Variants in PACSIN1 observed in about 807,000 individuals in gnomAD.
PACSIN1 encodes protein kinase C and casein kinase substrate in neurons 1, also known as protein kinase C and casein kinase substrate in neurons protein 1.
Under a neutral mutation model 59.5 loss-of-function variants are expected in PACSIN1, and 15 were observed. The ratio of observed to expected loss-of-function variants is 0.25; its 90% CI spans 0.17 to 0.39. The LOEUF is 0.39. Ranked by LOEUF, PACSIN1 falls within the 10% of genes least tolerant of loss-of-function variation. The pLI is 1.00. For synonymous variants in PACSIN1, 210 were observed against 220.6 expected, an observed-to-expected ratio of 0.95 and a Z score of 0.42; for missense variants, 420 against 580.2, an observed-to-expected ratio of 0.72 and a Z score of 2.84.
intron 2 of PACSIN1, among the ~76,000 whole-genome samples, chr6:34,527,048 A>C (rs530238617): frequency 6.6e-6 from 1 of 152,310 alleles, no homozygotes; most frequent in East Asian, 1.9e-4. Context: ...AAATTCTAAA[A>C]ATCCTTCTGC....
chr6:34,510,775 C>T (rs375999689), intron 1 of PACSIN1, among the ~76,000 whole-genome samples: 6 of 152,286 alleles, frequency 3.9e-5, no homozygotes, highest in Non-Finnish European at 7.3e-5. Flanking sequence ...TGCAGTGATG[C>T]GATCACGGCT....
intron 1 of PACSIN1, among the ~76,000 whole-genome samples, chr6:34,473,589 G>T (rs554228048): frequency 2.0e-5 from 3 of 152,270 alleles, no homozygotes; most frequent in African/African-American, 2.4e-5. Context: ...AGGGGCAGCC[G>T]AGGCAGGGCT....
intron 1 of PACSIN1, among the ~76,000 whole-genome samples, chr6:34,511,551 T>C (rs941851271): frequency 6.6e-6 from 1 of 152,182 alleles, no homozygotes; most frequent in Non-Finnish European, 1.5e-5. Context: ...TTGTTGCTCC[T>C]CCTCCGGGTG....
At chr6:34,527,943 T>C (rs1460609289) in intron 3 of PACSIN1, among the ~76,000 whole-genome samples, 2 of 152,244 alleles carry the variant, frequency 1.3e-5, no homozygotes, top group Non-Finnish European at 2.9e-5. Context: ...CTATCAAATT[T>C]GGGACATGTA....
intron 1 of PACSIN1, among the ~76,000 whole-genome samples, chr6:34,487,895 T>C (rs1766818942): frequency 6.6e-6 from 1 of 152,194 alleles, no homozygotes; most frequent in Non-Finnish European, 1.5e-5. Context: ...CACTGCAGCC[T>C]GCCCCTCATG....
chr6:34,531,153 CT>C lies in PACSIN1; in HGVS notation c.1038-444del, dbSNP rs1192407932. On this transcript the variant is annotated intron_variant, in intron 8 of 9. Transcript: ENST00000244458. This position sits in a 1 kb window ranked among gnomAD's most constrained non-coding sequence, Gnocchi z 4.4. ...ACTGTGTGTGGCACGGTTCTATGCACTTTCCATATGTTAACTCATTCATGCT... is the reference window on the plus strand; with the variant it reads ...ACTGTGTGTGGCACGGTTCTATGCACTTCCATATGTTAACTCATTCATGCT... Among the ~76,000 whole-genome samples, 1 of 152,146 alleles carries C rather than the reference CT, an allele frequency of 6.6e-6. No homozygotes were observed. The highest frequency in any genetic ancestry group is 1.9e-4 in the East Asian group (1 of 5,208).
chr6:34,504,510 C>T (rs1767078711), intron 1 of PACSIN1, among the ~76,000 whole-genome samples: 1 of 152,024 alleles, frequency 6.6e-6, no homozygotes, highest in South Asian at 2.1e-4. Flanking sequence ...TGGCTGATCT[C>T]GAACTCCTGA....
intron 1 of PACSIN1, among the ~76,000 whole-genome samples, chr6:34,517,926 A>C (rs1170506303): frequency 1.3e-5 from 2 of 152,226 alleles, no homozygotes; most frequent in Admixed American, 6.5e-5. Context: ...TCAGGGCTGC[A>C]GTGTAAAGCC....
chr6:34,467,640 C>A (rs1766515638), intron 1 of PACSIN1, among the ~76,000 whole-genome samples: 1 of 146,764 alleles, frequency 6.8e-6, no homozygotes, highest in African/African-American at 2.5e-5. Flanking sequence ...CTCACCGCAA[C>A]CTCTGCCTCC....
At chr6:34,474,790 G>GAA (rs60232588) in intron 1 of PACSIN1, among the ~76,000 whole-genome samples, 21,296 of 78,234 alleles carry the variant, frequency 0.27, 3,061 homozygotes, top group Non-Finnish European at 0.31. Flanking sequence ...CTCTGTCTCA[G>GAA]AAAAAAAAAA....
At chr6:34,500,963 CT>C (rs1561962437) in intron 1 of PACSIN1, among the ~76,000 whole-genome samples, 1 of 152,262 alleles carries the variant, frequency 6.6e-6, no homozygotes, top group East Asian at 1.9e-4. Context: ...TTCTTCACCC[CT>C]CTCAGACTTC....
intron 1 of PACSIN1, among the ~76,000 whole-genome samples, chr6:34,469,450 C>T (rs1287955457): frequency 2.0e-5 from 3 of 151,818 alleles, no homozygotes; most frequent in Non-Finnish European, 4.4e-5. Context: ...AGGAAGTAGC[C>T]GTGAGGATTG....
chr6:34,493,194 T>C (rs1766902094), intron 1 of PACSIN1, among the ~76,000 whole-genome samples: 1 of 152,150 alleles, frequency 6.6e-6, no homozygotes, highest in African/African-American at 2.4e-5. Flanking sequence ...AAAAGAACTC[T>C]CAGAATTGTC....
At chr6:34,486,470 G>A (rs942709361) in intron 1 of PACSIN1, among the ~76,000 whole-genome samples, 2 of 152,176 alleles carry the variant, frequency 1.3e-5, no homozygotes, top group African/African-American at 4.8e-5. Flanking sequence ...GTATGGAACT[G>A]GGATTCAACT....
At chr6:34,494,867 A>G (rs113955214) in intron 1 of PACSIN1, among the ~76,000 whole-genome samples, 4 of 152,138 alleles carry the variant, frequency 2.6e-5, no homozygotes, top group African/African-American at 9.7e-5. Context: ...TGCTGTGCTC[A>G]TCCTCTCCCT....
At chr6:34,519,271 TG>T (rs1490851086) in intron 1 of PACSIN1, among the ~76,000 whole-genome samples, 1 of 152,040 alleles carries the variant, frequency 6.6e-6, no homozygotes, top group African/African-American at 2.4e-5. Flanking sequence ...CCTCCAGCCT[TG>T]AGTAAGGTTT....
rs922766880 is a variant in PACSIN1 at position 34,532,874 on chromosome 6, C to T, written c.*344C>T. On this transcript the variant is annotated 3_prime_UTR_variant, in exon 10 of 10. Transcript: ENST00000244458. The surrounding 1 kb of genome is among the most constrained non-coding windows in gnomAD (Gnocchi z 5.2). The stretch of plus-strand genomic sequence containing the variant: ...TCCACCCCGCCTCACTCCCTCCGTC[C>T]CACTCCACTCCAGGCTGCCGGCACC... 5.0e-6 allele frequency: 1 copy of T among 198,274 alleles called. No homozygotes were observed. Among genetic ancestry groups the T allele is most frequent in the Admixed American group, 5.8e-5 (1 of 17,286 alleles). 12.3% of individuals were successfully genotyped at this position (198,274 alleles called of 1,614,324 possible).
chr6:34,527,699 ACTTTTTATCTTG>A, intron 3 of PACSIN1: 5 of 386,912 alleles, frequency 1.3e-5, no homozygotes, highest in Non-Finnish European at 2.3e-5. Flanking sequence ...AAAAAAAAAC[ACTTTTTATCTTG>A]AAATAATTCA....
Position 34,531,114 on chromosome 6 carries a change from C to T in PACSIN1, c.1038-486C>T, listed in dbSNP as rs532498832. ...CTCTAAAAGATAGTGGTAGCATATC[C>T]TTCTAGAGCACCTACTGTGTGTGGC... On this transcript the variant is annotated intron_variant, in intron 8 of 9. Transcript: ENST00000244458. This position sits in a 1 kb window ranked among gnomAD's most constrained non-coding sequence, Gnocchi z 4.4. Among the ~76,000 whole-genome samples, 1 of 152,346 alleles carries T rather than the reference C, an allele frequency of 6.6e-6. No individual in the cohort carries two copies. The highest frequency in any genetic ancestry group is 6.5e-5 in the Admixed American group (1 of 15,306).
Sources: allele counts gnomAD v4.1 joint callset (sites outside exome capture counted in the v4.1 genomes callset), GRCh38; gene constraint gnomAD v4.1.1; non-coding constraint Gnocchi (gnomAD v3.1); transcripts MANE v1.5; gene names NCBI Gene and HGNC (gene_info 2026-07-23, HGNC 2026-07-21).